The following PAPSS1 variants were observed in gnomAD, a reference collection of about 807,000 sequenced individuals.
The protein encoded by PAPSS1 is 3'-phosphoadenosine 5'-phosphosulfate synthase 1, also known as bifunctional 3'-phosphoadenosine 5'-phosphosulfate synthase 1.
PAPSS1 carries 50 observed loss-of-function variants against 72.0 expected under a neutral mutation model. The observed-to-expected ratio is 0.69, with a 90% CI of 0.55 to 0.88. PAPSS1 has a LOEUF of 0.88. Among genes scored for constraint, PAPSS1 ranks in the 40% least tolerant of loss-of-function variants. The pLI, the probability that PAPSS1 is intolerant of heterozygous loss-of-function variation, is 0.00. For missense variants in PAPSS1, 657 were observed against 782.2 expected, an observed-to-expected ratio of 0.84 and a Z score of 1.91; for synonymous variants, 261 against 263.6, an observed-to-expected ratio of 0.99 and a Z score of 0.09.
At chr4:107,644,087 G>A (rs1726630594) in intron 10 of PAPSS1, among the ~76,000 whole-genome samples, 1 of 152,162 alleles carries the variant, frequency 6.6e-6, no homozygotes, top group African/African-American at 2.4e-5. Flanking sequence ...CAACCGTCTT[G>A]TATTATTTCC....
chr4:107,614,181 A>T lies in PAPSS1; in HGVS notation c.*68T>A. ...CAGACAGACACCACAAAGAAATGCC[A>T]ACAGAGACTATGTGGTCCCCTCTTG... On this transcript the variant is annotated 3_prime_UTR_variant, in exon 12 of 12. Transcript: ENST00000265174. The T allele has an allele frequency of 6.8e-7, 1 of 1,478,734 alleles. No individual in the cohort carries two copies. The highest frequency in any genetic ancestry group is 9.3e-7 in the Non-Finnish European group (1 of 1,078,712). The allele number at this position is 1,478,734 out of a possible 1,614,324, so 91.6% of individuals were successfully genotyped here.
chr4:107,717,216 G>C (rs55912879), intron 1 of PAPSS1, among the ~76,000 whole-genome samples: 5 of 151,800 alleles, frequency 3.3e-5, no homozygotes, highest in Non-Finnish European at 5.9e-5. Flanking sequence ...AATTTATTTC[G>C]CGGTTACTTT....
At chr4:107,621,606 A>ATTTTTTT (rs1382723816) in intron 11 of PAPSS1, among the ~76,000 whole-genome samples, 4 of 50,508 alleles carry the variant, frequency 7.9e-5, no homozygotes, top group Admixed American at 1.9e-4. Flanking sequence ...CAGGTTTTTT[A>ATTTTTTT]TCTTTTTTTT....
chr4:107,696,894 G>A (rs1229425842), intron 2 of PAPSS1, among the ~76,000 whole-genome samples: 1 of 152,144 alleles, frequency 6.6e-6, no homozygotes, highest in Non-Finnish European at 1.5e-5. Context: ...TCTACAATGT[G>A]ACTTTACTAC....
At chr4:107,657,744 CA>C (rs33998305) in intron 6 of PAPSS1, among the ~76,000 whole-genome samples, 34,209 of 122,770 alleles carry the variant, frequency 0.28, 3,783 homozygotes, top group East Asian at 0.41. Context: ...GACCATGTCT[CA>C]AAAAAAAAAA....
At position 107,631,734 on chromosome 4, in the gene PAPSS1, C is replaced by G. The variant is rs774408502; in HGVS notation, c.1633G>C (p.Val545Leu). ...DLYEPSHGAKVLTMAPGLITL... is the reference protein window; with the variant it reads ...DLYEPSHGAKLLTMAPGLITL... ...ATTAAACCAGGGGCCATCGTCAGCA[C>G]TTTGGCACCATGACTTGGCTCATAA... Residue 545 changes from valine to leucine, a missense_variant, in exon 11 of 12, where the codon GTG becomes CTG. Around this residue, in one of 7 missense-constraint regions of PAPSS1, gnomAD observed 166 missense variants for 228.3 expected, o/e 0.73. Transcript: ENST00000265174. The G allele has an allele frequency of 6.2e-7, 1 of 1,614,150 alleles. No individual in the cohort carries two copies. The highest frequency in any genetic ancestry group is 8.5e-7 in the Non-Finnish European group (1 of 1,180,014).
intron 11 of PAPSS1, among the ~76,000 whole-genome samples, chr4:107,626,233 C>T (rs1448583943): frequency 6.6e-6 from 1 of 151,206 alleles, no homozygotes; most frequent in Non-Finnish European, 1.5e-5. Flanking sequence ...AAATACTCTA[C>T]TGAAAATGTG....
chr4:107,636,704 A>T (rs1726395203), intron 10 of PAPSS1, among the ~76,000 whole-genome samples: 2 of 152,160 alleles, frequency 1.3e-5, no homozygotes, highest in Admixed American at 6.5e-5. Flanking sequence ...GCAGGGGAGG[A>T]CAGGAGGACC....
chr4:107,688,908 T>A (rs1465042594), intron 3 of PAPSS1, among the ~76,000 whole-genome samples: 1 of 152,184 alleles, frequency 6.6e-6, no homozygotes, highest in East Asian at 1.9e-4. Flanking sequence ...CATTCTCTCA[T>A]ATGCTTCCCA....
rs113264195 is a variant in PAPSS1 at position 107,635,044 on chromosome 4, C to T, written c.1507-3184G>A. ...CGATCTCCTGACCTTGTGATCCGCC[C>T]GCCTTGGCCTCCCAAAGTGCCAGGA... On this transcript the variant is annotated intron_variant, in intron 10 of 11. Transcript: ENST00000265174. Among the ~76,000 whole-genome samples the T allele has an allele frequency of 7.4e-3, 1,130 of 152,196 alleles. 13 individuals are homozygous for T. The highest frequency in any genetic ancestry group is 0.024 in the African/African-American group (997 of 41,540).
chr4:107,636,333 T>C (rs1311683979), intron 10 of PAPSS1, among the ~76,000 whole-genome samples: 1 of 152,104 alleles, frequency 6.6e-6, no homozygotes, highest in African/African-American at 2.4e-5. Flanking sequence ...ATTTATAATA[T>C]AGGAAGGTTA....
At chr4:107,653,714 TA>T in intron 8 of PAPSS1, 88 bp from the exon 9 acceptor site, 1 of 991,930 alleles carries the variant, frequency 1.0e-6, no homozygotes, top group South Asian at 2.2e-5. Flanking sequence ...ACAGTCGTTG[TA>T]AGCTACTCTC....
intron 2 of PAPSS1, among the ~76,000 whole-genome samples, chr4:107,697,097 C>T (rs1405121854): frequency 6.6e-6 from 1 of 152,204 alleles, no homozygotes; most frequent in South Asian, 2.1e-4. Context: ...CTTGAGACCA[C>T]CATGCTAACG....
chr4:107,720,213 T>A lies in PAPSS1; in HGVS notation c.-34A>T, dbSNP rs1177306047. 6.3e-7 allele frequency: 1 copy of A among 1,588,158 alleles called. No homozygotes were observed. Among genetic ancestry groups the A allele is most frequent in the South Asian group, 1.1e-5 (1 of 88,680 alleles). On this transcript the variant is annotated 5_prime_UTR_variant, in exon 1 of 12. Coordinates refer to ENST00000265174, the MANE Select transcript of PAPSS1 (RefSeq NM_005443.5). Reference sequence around the variant, plus strand: ...AGCGCGCTGAGCAGCCGGGGTTCTCTGCGCCGGGAGGGTAGCAAGAGGAGG... The same window carrying A: ...AGCGCGCTGAGCAGCCGGGGTTCTCAGCGCCGGGAGGGTAGCAAGAGGAGG...
At chr4:107,630,042 A>G (rs1726190660) in intron 11 of PAPSS1, among the ~76,000 whole-genome samples, 1 of 152,032 alleles carries the variant, frequency 6.6e-6, no homozygotes, top group South Asian at 2.1e-4. Context: ...AGGGGCACCC[A>G]TTTTTCTTCA....
At chr4:107,674,518 C>T (rs113348681) in intron 5 of PAPSS1, among the ~76,000 whole-genome samples, 36,593 of 152,046 alleles carry the variant, frequency 0.24, 4,998 homozygotes, top group Middle Eastern at 0.34. Context: ...TACAGGAGCA[C>T]CCAGATTCAT....
intron 6 of PAPSS1, 124 bp from the exon 7 acceptor site, chr4:107,657,131 T>C: frequency 1.6e-6 from 1 of 643,080 alleles, no homozygotes; most frequent in Non-Finnish European, 2.8e-6. Context: ...TGAGTATAGA[T>C]TATACCAAAC....
At chr4:107,711,421 G>A (rs1172365792) in intron 1 of PAPSS1, among the ~76,000 whole-genome samples, 1 of 152,158 alleles carries the variant, frequency 6.6e-6, no homozygotes, top group Non-Finnish European at 1.5e-5. Context: ...CCACTTGCCT[G>A]TAAGGAAAAT....
chr4:107,669,043 C>T (rs763485957), intron 5 of PAPSS1, among the ~76,000 whole-genome samples: 1 of 152,086 alleles, frequency 6.6e-6, no homozygotes, highest in Non-Finnish European at 1.5e-5. Context: ...CCTTCACCTC[C>T]CAATCTATAT....
Sources: gnomAD v4.1 joint callset for allele counts (sites outside exome capture counted in the v4.1 genomes callset) on GRCh38, gnomAD v4.1.1 for gene constraint, gnomAD v4.1.1 regional missense constraint, MANE v1.5 for transcripts, NCBI Gene and HGNC (gene_info 2026-07-23, HGNC 2026-07-21) for gene names.